Variants in GALNTL6 observed in about 807,000 individuals in gnomAD.
GALNTL6 encodes polypeptide N-acetylgalactosaminyltransferase like 6, also known as polypeptide N-acetylgalactosaminyltransferase-like 6.
A neutral mutation model predicts 73.7 loss-of-function variants in GALNTL6; 46 were observed. The observed-to-expected ratio is 0.62, with a 90% CI of 0.49 to 0.80. The LOEUF (loss-of-function observed/expected upper bound fraction) is 0.80, where lower values mean the gene tolerates loss of function less well. GALNTL6 is among the 30% of genes least tolerant of loss of function. The pLI, the probability that GALNTL6 is intolerant of heterozygous loss-of-function variation, is 0.00. For missense variants in GALNTL6, 604 were observed against 755.0 expected (o/e 0.80, Z 2.34); for synonymous variants, 259 against 263.7 (o/e 0.98, Z 0.17).
intron 5 of GALNTL6, among the ~76,000 whole-genome samples, chr4:172,716,183 T>C (rs1735076511): frequency 6.6e-6 from 1 of 152,136 alleles, no homozygotes; most frequent in Non-Finnish European, 1.5e-5. Flanking sequence ...TAGAGAATGC[T>C]AGTGACCATC....
In GALNTL6 at chr4:172,461,645, A is replaced by G. The variant is rs2063191; in HGVS notation, c.553+112956A>G. Among the ~76,000 whole-genome samples, 1,276 of 152,274 alleles carry G rather than the reference A, an allele frequency of 8.4e-3. 11 individuals are homozygous for G. Among genetic ancestry groups the G allele is most frequent in the African/African-American group, 0.029 (1,207 of 41,552 alleles). On this transcript the variant is annotated intron_variant, in intron 5 of 12. Coordinates refer to ENST00000506823, the MANE Select transcript of GALNTL6 (RefSeq NM_001034845.3). ...GACTAAGAGGAGCTAGAATTTTCCT[A>G]TTGCTTTACTAAATTGTAAAAGAGA...
chr4:172,796,601 T>C (rs1287991135), intron 5 of GALNTL6, among the ~76,000 whole-genome samples: 2 of 152,224 alleles, frequency 1.3e-5, no homozygotes, highest in Admixed American at 1.3e-4. Context: ...CTTTCTTTTA[T>C]AGATTTTAAA....
chr4:172,104,436 T>C (rs927529268), intron 2 of GALNTL6, among the ~76,000 whole-genome samples: 1 of 152,114 alleles, frequency 6.6e-6, no homozygotes, highest in African/African-American at 2.4e-5. Flanking sequence ...AATCAGCGTC[T>C]GGAAATTCAG....
chr4:172,497,801 T>C (rs1024240232), intron 5 of GALNTL6, among the ~76,000 whole-genome samples: 20 of 152,280 alleles, frequency 1.3e-4, no homozygotes, highest in Middle Eastern at 3.4e-3. Context: ...GTGATTACCA[T>C]GTTCTAAGTT....
chr4:172,424,611 G>A (rs1282531745), intron 5 of GALNTL6, among the ~76,000 whole-genome samples: 3 of 152,250 alleles, frequency 2.0e-5, no homozygotes, highest in Admixed American at 2.0e-4. Context: ...GGAGATGAGC[G>A]GCTGCTCCAT....
chr4:172,732,995 C>T (rs562930210), intron 5 of GALNTL6, among the ~76,000 whole-genome samples: 6 of 152,324 alleles, frequency 3.9e-5, no homozygotes, highest in African/African-American at 1.4e-4. Context: ...GGATGGCACA[C>T]CACAAATGCA....
At chr4:172,872,938 A>G (rs566093286) in intron 7 of GALNTL6, among the ~76,000 whole-genome samples, 2 of 152,172 alleles carry the variant, frequency 1.3e-5, no homozygotes, top group African/African-American at 2.4e-5. Context: ...CTGGACTGCC[A>G]TTACCTCCTA....
At chr4:172,208,994 A>G (rs1736236183) in intron 2 of GALNTL6, among the ~76,000 whole-genome samples, 1 of 152,136 alleles carries the variant, frequency 6.6e-6, no homozygotes, top group Non-Finnish European at 1.5e-5. Flanking sequence ...AGGTTAAACT[A>G]CAGGAGTTCT....
intron 4 of GALNTL6, among the ~76,000 whole-genome samples, chr4:172,348,282 A>G (rs1304247355): frequency 6.6e-6 from 1 of 152,220 alleles, no homozygotes; most frequent in Non-Finnish European, 1.5e-5. Context: ...AAAACTGACA[A>G]ATTTGAAACC....
intron 2 of GALNTL6, among the ~76,000 whole-genome samples, chr4:172,212,262 A>G (rs1317090145): frequency 6.6e-6 from 1 of 152,028 alleles, no homozygotes; most frequent in Non-Finnish European, 1.5e-5. Flanking sequence ...CTCAGGTTCA[A>G]GCGATTCCCC....
intron 3 of GALNTL6, among the ~76,000 whole-genome samples, chr4:172,248,362 A>G (rs1274045228): frequency 1.3e-5 from 2 of 152,162 alleles, no homozygotes; most frequent in Non-Finnish European, 1.5e-5. Context: ...GTATGAAGCT[A>G]GCTTTTTTCT....
chr4:172,960,976 A>C (rs1407988967), intron 10 of GALNTL6, among the ~76,000 whole-genome samples: 1 of 138,836 alleles, frequency 7.2e-6, no homozygotes, highest in African/African-American at 2.7e-5. Context: ...AAAGTGGAGA[A>C]GGGGTAGAGA....
At chr4:171,966,137 C>T (rs1739375459) in intron 2 of GALNTL6, among the ~76,000 whole-genome samples, 1 of 152,134 alleles carries the variant, frequency 6.6e-6, no homozygotes, top group Admixed American at 6.5e-5. Context: ...CCACACCTTT[C>T]ATTATAGATT....
At chr4:172,141,427 G>A (rs1285433881) in intron 2 of GALNTL6, among the ~76,000 whole-genome samples, 1 of 151,928 alleles carries the variant, frequency 6.6e-6, no homozygotes, top group East Asian at 1.9e-4. Context: ...TTGTCAGATG[G>A]TACGAGTACA....
At chr4:171,942,264 A>T (rs1738572643) in intron 2 of GALNTL6, among the ~76,000 whole-genome samples, 1 of 150,790 alleles carries the variant, frequency 6.6e-6, no homozygotes, top group African/African-American at 2.4e-5. Context: ...ATAAATAAAT[A>T]AATATAATAT....
chr4:171,979,135 T>C (rs1172816523), intron 2 of GALNTL6, among the ~76,000 whole-genome samples: 1 of 152,188 alleles, frequency 6.6e-6, no homozygotes, highest in Non-Finnish European at 1.5e-5. Flanking sequence ...ACAAGATTCA[T>C]ACATGATTCG....
chr4:171,882,412 T>A (rs4692906), intron 2 of GALNTL6, among the ~76,000 whole-genome samples: 1 of 151,894 alleles, frequency 6.6e-6, no homozygotes, highest in Non-Finnish European at 1.5e-5. Context: ...ATATGAAGGG[T>A]AGTTTATAAG....
chr4:172,302,458 G>T (rs530058788), intron 3 of GALNTL6, among the ~76,000 whole-genome samples: 2 of 152,094 alleles, frequency 1.3e-5, no homozygotes, highest in Non-Finnish European at 2.9e-5. Flanking sequence ...CTTCTGCTTC[G>T]CTCATGCTGG....
intron 2 of GALNTL6, among the ~76,000 whole-genome samples, chr4:172,121,821 A>C (rs1354263693): frequency 1.3e-5 from 2 of 152,186 alleles, no homozygotes; most frequent in Non-Finnish European, 2.9e-5. Flanking sequence ...AACAAGAACA[A>C]AAATTAAAAA....
Sources: allele counts gnomAD v4.1 joint callset (sites outside exome capture counted in the v4.1 genomes callset), GRCh38; gene constraint gnomAD v4.1.1; transcripts MANE v1.5; gene names NCBI Gene and HGNC (gene_info 2026-07-23, HGNC 2026-07-21).